ARHGAP35: variants seen among roughly 807,000 people sequenced by gnomAD.
ARHGAP35 encodes the protein Rho GTPase activating protein 35.
In ARHGAP35, 15 loss-of-function variants were observed where a neutral mutation model predicts 111.1. The ratio of observed to expected loss-of-function variants is 0.13; its 90% confidence interval spans 0.09 to 0.21. ARHGAP35 has a LOEUF of 0.21. Among genes scored for constraint, ARHGAP35 ranks in the 10% least tolerant of loss-of-function variants. The pLI is 1.00. For missense variants in ARHGAP35, 1,262 were observed against 1,873.0 expected (o/e 0.67, Z 6.02); for synonymous variants, 643 against 710.3 (o/e 0.91, Z 1.51).
intron 1 of ARHGAP35, among the ~76,000 whole-genome samples, chr19:46,876,418 G>C (rs2055921909): frequency 6.6e-6 from 1 of 151,692 alleles, no homozygotes; most frequent in Admixed American, 6.6e-5. Context: ...CTGTTGCCCA[G>C]GCTGGAGTAT....
Position 46,942,686 on chromosome 19 carries a change from G to A in ARHGAP35, c.3826+5278G>A, listed in dbSNP as rs145239942. ...GCATGCATGCCAGGCATAGTGGTGTGCACCTGTGATCCCAGCTATTTGGGA... is the reference window on the plus strand; with the variant it reads ...GCATGCATGCCAGGCATAGTGGTGTACACCTGTGATCCCAGCTATTTGGGA... On this transcript the variant is annotated intron_variant, in intron 3 of 6. Transcript: ENST00000672722. 1.3e-3 allele frequency among the ~76,000 whole-genome samples: 203 copies of A among 151,642 alleles called. 1 individual carries two copies. The highest frequency in any genetic ancestry group is 2.4e-3 in the Non-Finnish European group (162 of 67,922).
Position 46,999,416 on chromosome 19 carries a change from C to T in ARHGAP35, c.4142+7C>T, listed in dbSNP as rs371582745. 68 of 1,554,510 alleles carry T rather than the reference C, an allele frequency of 4.4e-5. No homozygotes were observed. The highest frequency in any genetic ancestry group is 5.4e-5 in the African/African-American group (4 of 73,656). ...TCATCTCTCACCTAAACAAGTAAGT[C>T]GCAGGGCCTTCTGGTTGGTTTTTCC... On this transcript the variant is annotated splice_region_variant and intron_variant, in intron 6 of 6. Coordinates refer to ENST00000672722, the MANE Select transcript of ARHGAP35 (RefSeq NM_004491.5). This position sits in a 1 kb window ranked among gnomAD's most constrained non-coding sequence, Gnocchi z 5.4.
chr19:46,879,295 A>T (rs2055944519), intron 1 of ARHGAP35, among the ~76,000 whole-genome samples: 1 of 151,890 alleles, frequency 6.6e-6, no homozygotes, highest in African/African-American at 2.4e-5. Flanking sequence ...TCTCTACTAA[A>T]AATACAAAAA....
intron 1 of ARHGAP35, among the ~76,000 whole-genome samples, chr19:46,865,779 G>A (rs546137974): frequency 6.6e-6 from 1 of 152,344 alleles, no homozygotes; most frequent in East Asian, 1.9e-4. Flanking sequence ...GTCTTCCTGT[G>A]ATCTGCTGTG....
intron 5 of ARHGAP35, among the ~76,000 whole-genome samples, chr19:46,996,412 T>C (rs949082799): frequency 6.6e-6 from 1 of 152,072 alleles, no homozygotes; most frequent in African/African-American, 2.4e-5. Flanking sequence ...CCTAAATTAT[T>C]ATCAATGCAG....
chr19:46,949,392 A>C (rs2056399539), intron 3 of ARHGAP35, among the ~76,000 whole-genome samples: 1 of 152,216 alleles, frequency 6.6e-6, no homozygotes, highest in Non-Finnish European at 1.5e-5. Context: ...TTACCACCTT[A>C]CCAAAGTAGT....
At chr19:46,934,696 G>A (rs1479057117) in intron 2 of ARHGAP35, among the ~76,000 whole-genome samples, 2 of 151,760 alleles carry the variant, frequency 1.3e-5, no homozygotes, top group African/African-American at 4.8e-5. Flanking sequence ...TTGAGACGGG[G>A]TCGCACTTTG....
chr19:46,965,623 T>C (rs1599852335), intron 3 of ARHGAP35, among the ~76,000 whole-genome samples: 1 of 152,212 alleles, frequency 6.6e-6, no homozygotes, highest in South Asian at 2.1e-4. Flanking sequence ...TAGCTGGAAC[T>C]TCAGGTGCAC....
intron 1 of ARHGAP35, among the ~76,000 whole-genome samples, chr19:46,864,934 C>G (rs984997527): frequency 4.6e-5 from 7 of 152,124 alleles, no homozygotes; most frequent in African/African-American, 1.7e-4. Flanking sequence ...ATGTGTGTCC[C>G]AGAGTTTTAA....
In ARHGAP35 at chr19:46,992,652, A is replaced by G. The variant is rs2056685513; in HGVS notation, c.4036+2977A>G. Among the ~76,000 whole-genome samples, 1 of 152,176 alleles carries G rather than the reference A, an allele frequency of 6.6e-6. No homozygotes were observed. The highest frequency in any genetic ancestry group is 1.5e-5 in the Non-Finnish European group (1 of 68,030). On this transcript the variant is annotated intron_variant, in intron 5 of 6. Coordinates refer to ENST00000672722, the MANE Select transcript of ARHGAP35 (RefSeq NM_004491.5). This position sits in a 1 kb window ranked among gnomAD's most constrained non-coding sequence, Gnocchi z 4.4. Reference sequence around the variant, plus strand: ...GCTAGAGCTGGCTCCGTCTCAAGCCAGAGGGTCAGGACCAAAGGACCTGTG... The same window carrying G: ...GCTAGAGCTGGCTCCGTCTCAAGCCGGAGGGTCAGGACCAAAGGACCTGTG...
At chr19:46,917,396 C>G (rs2122190042) in intron 1 of ARHGAP35, among the ~76,000 whole-genome samples, 1 of 152,260 alleles carries the variant, frequency 6.6e-6, no homozygotes, top group Middle Eastern at 3.4e-3. Flanking sequence ...TCGCCTGAGC[C>G]TAGGAGTTTG....
At chr19:46,878,270 A>T (rs1236673819) in intron 1 of ARHGAP35, among the ~76,000 whole-genome samples, 14 of 151,926 alleles carry the variant, frequency 9.2e-5, no homozygotes, top group Admixed American at 8.5e-4. Context: ...TGATCCACCC[A>T]CCTCGGCTTT....
intron 1 of ARHGAP35, among the ~76,000 whole-genome samples, chr19:46,903,730 C>T (rs1323073449): frequency 6.6e-6 from 1 of 152,124 alleles, no homozygotes; most frequent in East Asian, 1.9e-4. Flanking sequence ...TAAGGAATGA[C>T]GATTGATAAG....
chr19:46,954,249 A>C (rs1346651115), intron 3 of ARHGAP35, among the ~76,000 whole-genome samples: 3 of 152,192 alleles, frequency 2.0e-5, no homozygotes, highest in African/African-American at 7.2e-5. Flanking sequence ...CAACCCAAGC[A>C]GCTAAGACAG....
At chr19:46,880,018 G>A (rs1288115219) in intron 1 of ARHGAP35, among the ~76,000 whole-genome samples, 4 of 148,668 alleles carry the variant, frequency 2.7e-5, no homozygotes, top group South Asian at 4.3e-4. Flanking sequence ...ACCTGGAGGC[G>A]GAGGTTGCAG....
chr19:46,934,510 G>A (rs1251005679), intron 2 of ARHGAP35, among the ~76,000 whole-genome samples: 1 of 152,110 alleles, frequency 6.6e-6, no homozygotes, highest in African/African-American at 2.4e-5. Context: ...TGGGATTACA[G>A]GCACTTGCCA....
chr19:46,994,750 TC>T lies in ARHGAP35; in HGVS notation c.4037-4550del, dbSNP rs2056698159. On this transcript the variant is annotated intron_variant, in intron 5 of 6. Transcript: ENST00000672722. This position sits in a 1 kb window ranked among gnomAD's most constrained non-coding sequence, Gnocchi z 5.4. ...AATTTGGTTTTTGTCCCCTACTGCA[TC>T]CCCAGTGTGTAAAATAGTACCCAGG... is the stretch of plus-strand genomic sequence containing the variant. Among the ~76,000 whole-genome samples the T allele has an allele frequency of 6.6e-6, 1 of 152,034 alleles. No individual in the cohort carries two copies. The highest frequency in any genetic ancestry group is 1.5e-5 in the Non-Finnish European group (1 of 68,000).
intron 2 of ARHGAP35, among the ~76,000 whole-genome samples, chr19:46,931,129 T>C (rs2122216237): frequency 1.3e-5 from 2 of 152,214 alleles, no homozygotes; most frequent in South Asian, 4.2e-4. Flanking sequence ...CCTCACACAC[T>C]AGTGTGAGCA....
Position 46,986,363 on chromosome 19 carries a change from T to C in ARHGAP35, c.3827-1626T>C, listed in dbSNP as rs1050452982. ...TTGATATTTTATTCTAACTTACGTA[T>C]TTAATTGACTTTTACTACTTTTTTT... is the stretch of plus-strand genomic sequence containing the variant. On this transcript the variant is annotated intron_variant, in intron 3 of 6. Transcript: ENST00000672722. This position sits in a 1 kb window ranked among gnomAD's most constrained non-coding sequence, Gnocchi z 4.3. Among the ~76,000 whole-genome samples, 8 of 152,202 alleles carry C rather than the reference T, an allele frequency of 5.3e-5. No homozygotes were observed. Among genetic ancestry groups the C allele is most frequent in the African/African-American group, 1.7e-4 (7 of 41,430 alleles).
Sources: allele counts gnomAD v4.1 joint callset (sites outside exome capture counted in the v4.1 genomes callset), GRCh38; gene constraint gnomAD v4.1.1; non-coding constraint Gnocchi (gnomAD v3.1); transcripts MANE v1.5; gene names NCBI Gene and HGNC (gene_info 2026-07-23, HGNC 2026-07-21).